Variants in ZNF407 observed in about 807,000 individuals in gnomAD.
ZNF407 encodes zinc finger protein 407.
ZNF407 carries 17 observed loss-of-function variants against 131.2 expected under a neutral mutation model. That is an observed-to-expected ratio of 0.13 (90% confidence interval 0.09 to 0.19). ZNF407 has a LOEUF of 0.19. Ranked by LOEUF, ZNF407 falls within the 10% of genes least tolerant of loss-of-function variation. The pLI, the probability that ZNF407 is intolerant of heterozygous loss-of-function variation, is 1.00. For synonymous variants in ZNF407, 1,156 were observed against 1,062.0 expected (o/e 1.09, Z -1.72); for missense variants, 2,681 against 2,830.6 (o/e 0.95, Z 1.20).
chr18:74,722,760 G>A (rs2144875033), intron 3 of ZNF407, among the ~76,000 whole-genome samples: 1 of 152,270 alleles, frequency 6.6e-6, no homozygotes, highest in African/African-American at 2.4e-5. Flanking sequence ...TTGATTTTCA[G>A]AATGTTGAAA....
chr18:74,849,325 G>T (rs1318608939), intron 4 of ZNF407, among the ~76,000 whole-genome samples: 1 of 152,052 alleles, frequency 6.6e-6, no homozygotes, highest in Non-Finnish European at 1.5e-5. Context: ...TGATCCGCCC[G>T]CCTGTGCCTC....
intron 8 of ZNF407, among the ~76,000 whole-genome samples, chr18:74,949,792 G>A (rs1972193250): frequency 6.6e-6 from 1 of 152,194 alleles, no homozygotes; most frequent in Admixed American, 6.5e-5. Context: ...AGGTGCCACA[G>A]TCTCCAGACC....
At chr18:74,930,196 A>T (rs1457444147) in intron 8 of ZNF407, among the ~76,000 whole-genome samples, 1 of 152,206 alleles carries the variant, frequency 6.6e-6, no homozygotes, top group East Asian at 1.9e-4. Context: ...CTCTTAAGGA[A>T]CATGGATTTG....
At chr18:74,984,097 CTT>C in intron 8 of ZNF407, among the ~76,000 whole-genome samples, 1 of 152,294 alleles carries the variant, frequency 6.6e-6, no homozygotes, top group Admixed American at 6.5e-5. Flanking sequence ...ATCAAATTGA[CTT>C]TAGAAAGGCT....
intron 3 of ZNF407, among the ~76,000 whole-genome samples, chr18:74,752,823 T>C (rs531314000): frequency 1.3e-5 from 2 of 152,356 alleles, no homozygotes; most frequent in Admixed American, 1.3e-4. Context: ...CCTCCAGCTT[T>C]GTTCTTTTGG....
chr18:74,798,735 CTT>C, intron 4 of ZNF407, among the ~76,000 whole-genome samples: 1 of 152,114 alleles, frequency 6.6e-6, no homozygotes, highest in East Asian at 1.9e-4. Context: ...GAAAAACAGT[CTT>C]TATTATTTTA....
chr18:74,847,248 G>A (rs1430358212), intron 4 of ZNF407, among the ~76,000 whole-genome samples: 1 of 152,154 alleles, frequency 6.6e-6, no homozygotes, highest in Non-Finnish European at 1.5e-5. Context: ...ACACAGCTTT[G>A]AAGGGTGTTT....
At chr18:75,020,234 A>G (rs1973091470) in intron 8 of ZNF407, among the ~76,000 whole-genome samples, 2 of 152,054 alleles carry the variant, frequency 1.3e-5, no homozygotes, top group South Asian at 4.2e-4. Context: ...TATGTAGGAA[A>G]AAGCATATAG....
chr18:74,812,547 G>A (rs1300738054), intron 4 of ZNF407, among the ~76,000 whole-genome samples: 4 of 152,096 alleles, frequency 2.6e-5, no homozygotes, highest in Non-Finnish European at 5.9e-5. Flanking sequence ...TGATTATAAT[G>A]TGAAGTGAGA....
At chr18:74,829,814 GT>G (rs201358901) in intron 4 of ZNF407, among the ~76,000 whole-genome samples, 66 of 146,398 alleles carry the variant, frequency 4.5e-4, no homozygotes, top group Admixed American at 1.4e-3. Flanking sequence ...AAGAGAGCCT[GT>G]TTTTTTTTTT....
At chr18:74,650,925 G>T (rs1985197623) in intron 3 of ZNF407, among the ~76,000 whole-genome samples, 1 of 149,958 alleles carries the variant, frequency 6.7e-6, no homozygotes. Flanking sequence ...TGCTATATAT[G>T]TGTGTGTGTG....
At chr18:74,608,667 T>A (rs1009588553) in intron 1 of ZNF407, among the ~76,000 whole-genome samples, 1 of 152,286 alleles carries the variant, frequency 6.6e-6, no homozygotes, top group Non-Finnish European at 1.5e-5. Context: ...GATTGCTTTG[T>A]CTTTCATGAC....
chr18:74,985,485 G>A (rs1465455677), intron 8 of ZNF407, among the ~76,000 whole-genome samples: 1 of 152,112 alleles, frequency 6.6e-6, no homozygotes, highest in Admixed American at 6.5e-5. Context: ...TGAGTTCCTG[G>A]CTAATTATTA....
chr18:75,004,896 C>T (rs142413056), intron 8 of ZNF407, among the ~76,000 whole-genome samples: 90 of 152,294 alleles, frequency 5.9e-4, no homozygotes, highest in Middle Eastern at 3.4e-3. Context: ...GAGATGGCTT[C>T]TGGCAGCGCT....
At chr18:74,815,646 T>C (rs1435140817) in intron 4 of ZNF407, among the ~76,000 whole-genome samples, 1 of 152,332 alleles carries the variant, frequency 6.6e-6, no homozygotes, top group East Asian at 1.9e-4. Context: ...TTTCCATTAT[T>C]ATTGTTCTTT....
At chr18:74,601,571 G>C (rs1036698688) in intron 1 of ZNF407, among the ~76,000 whole-genome samples, 4 of 152,180 alleles carry the variant, frequency 2.6e-5, no homozygotes, top group Non-Finnish European at 5.9e-5. Context: ...ACTGGCATCT[G>C]CTGGGCTTCT....
intron 8 of ZNF407, among the ~76,000 whole-genome samples, chr18:74,978,035 G>A (rs1972547638): frequency 6.6e-6 from 1 of 151,920 alleles, no homozygotes; most frequent in South Asian, 2.1e-4. Flanking sequence ...CTGCACTTAT[G>A]GCACCTTTTG....
At chr18:74,894,419 G>C (rs1971426088) in intron 7 of ZNF407, among the ~76,000 whole-genome samples, 1 of 151,876 alleles carries the variant, frequency 6.6e-6, no homozygotes, top group Admixed American at 6.6e-5. Context: ...TGTCACCTCT[G>C]TATTAATGAG....
chr18:75,025,023 A>G (rs1035430115), intron 8 of ZNF407, among the ~76,000 whole-genome samples: 1 of 152,222 alleles, frequency 6.6e-6, no homozygotes, highest in Admixed American at 6.5e-5. Flanking sequence ...TTATTTGCGT[A>G]TGTGTCACAT....
Sources: gnomAD v4.1 joint callset for allele counts (sites outside exome capture counted in the v4.1 genomes callset) on GRCh38, gnomAD v4.1.1 for gene constraint, MANE v1.5 for transcripts, NCBI Gene and HGNC (gene_info 2026-07-23, HGNC 2026-07-21) for gene names.